The following SCARA3 variants were observed in gnomAD, a reference collection of about 807,000 sequenced individuals.
The protein encoded by SCARA3 is scavenger receptor class A member 3, also known as cellular stress response gene protein.
SCARA3 carries 39 observed loss-of-function variants against 47.0 expected under a neutral mutation model. The observed-to-expected ratio is 0.83, with a 90% CI of 0.64 to 1.08. SCARA3 has a LOEUF of 1.08. SCARA3 is among the 50% of genes least tolerant of loss of function. SCARA3 has a pLI of 0.00. For synonymous variants in SCARA3, 356 were observed against 334.1 expected, an observed-to-expected ratio of 1.07 and a Z score of -0.71; for missense variants, 724 against 792.3, an observed-to-expected ratio of 0.91 and a Z score of 1.04.
chr8:27,707,688 A>G, the SCARA3 span, among the ~76,000 whole-genome samples: 1 of 152,014 alleles, frequency 6.6e-6, no homozygotes, highest in Non-Finnish European at 1.5e-5. Context: ...TTCCAGAACT[A>G]AAGAGTGCAT....
intron 5 of SCARA3, among the ~76,000 whole-genome samples, chr8:27,669,945 C>T (rs185714560): frequency 1.3e-5 from 2 of 152,232 alleles, no homozygotes. Context: ...CCGAGAGGCC[C>T]ACTTTCTGCC....
chr8:27,676,098 G>A (rs963921753), downstream of SCARA3, among the ~76,000 whole-genome samples: 8 of 152,180 alleles, frequency 5.3e-5, no homozygotes, highest in East Asian at 5.8e-4. Flanking sequence ...AAGCTAACTC[G>A]CTCAAGGCCA....
downstream of SCARA3, among the ~76,000 whole-genome samples, chr8:27,675,355 G>A (rs188567408): frequency 2.8e-4 from 42 of 152,258 alleles, no homozygotes; most frequent in Non-Finnish European, 5.1e-4. Context: ...GGCTGGGCTG[G>A]CAAGCCTTGA....
chr8:27,642,946 G>A (rs1292679807), intron 1 of SCARA3, among the ~76,000 whole-genome samples: 1 of 152,216 alleles, frequency 6.6e-6, no homozygotes, highest in Non-Finnish European at 1.5e-5. Context: ...GGAGATCAGT[G>A]TGTAAGTAAT....
chr8:27,721,531 A>G, the SCARA3 span, among the ~76,000 whole-genome samples: 1 of 152,204 alleles, frequency 6.6e-6, no homozygotes, highest in South Asian at 2.1e-4. Context: ...TTGTCCATGA[A>G]CAAGGGTTTT....
intron 1 of SCARA3, among the ~76,000 whole-genome samples, chr8:27,648,999 C>T (rs1801572252): frequency 6.6e-6 from 1 of 152,170 alleles, no homozygotes; most frequent in East Asian, 1.9e-4. Context: ...GAAGAAAAGG[C>T]CAGGTCTTAC....
chr8:27,688,422 G>A, the SCARA3 span, among the ~76,000 whole-genome samples: 1 of 151,860 alleles, frequency 6.6e-6, no homozygotes, highest in Non-Finnish European at 1.5e-5. Context: ...CCAGCCAGGT[G>A]CAGTGATTCA....
the SCARA3 span, among the ~76,000 whole-genome samples, chr8:27,713,457 T>C: frequency 6.6e-6 from 1 of 152,264 alleles, no homozygotes. Context: ...GGAGATGTAC[T>C]TTGAAATTGT....
the SCARA3 span, among the ~76,000 whole-genome samples, chr8:27,694,992 T>C: frequency 1.3e-5 from 2 of 152,144 alleles, no homozygotes; most frequent in African/African-American, 4.8e-5. Context: ...TCGATGCACA[T>C]GCACAAGGTA....
the SCARA3 span, among the ~76,000 whole-genome samples, chr8:27,732,732 A>G: frequency 6.6e-6 from 1 of 152,234 alleles, no homozygotes; most frequent in Admixed American, 6.5e-5. Context: ...AGTTAAAACC[A>G]ATGGATGCAG....
At chr8:27,730,461 A>T in the SCARA3 span, among the ~76,000 whole-genome samples, 1 of 150,366 alleles carries the variant, frequency 6.7e-6, no homozygotes, top group African/African-American at 2.4e-5. Flanking sequence ...AGCTCAGCTG[A>T]GTCCAGAACA....
At chr8:27,682,282 G>A in the SCARA3 span, among the ~76,000 whole-genome samples, 2 of 151,908 alleles carry the variant, frequency 1.3e-5, no homozygotes, top group African/African-American at 2.4e-5. Flanking sequence ...AATTTGAGAT[G>A]GATCAAGACC....
chr8:27,675,308 G>C (rs993261353), downstream of SCARA3, among the ~76,000 whole-genome samples: 9 of 152,198 alleles, frequency 5.9e-5, no homozygotes, highest in African/African-American at 1.7e-4. Flanking sequence ...GAAAAACATG[G>C]TCTGACCACA....
At chr8:27,682,588 A>C in the SCARA3 span, among the ~76,000 whole-genome samples, 1 of 152,200 alleles carries the variant, frequency 6.6e-6, no homozygotes. Flanking sequence ...ATGTTTAAAC[A>C]GATACTTCAC....
At chr8:27,638,912 C>G in intron 1 of SCARA3, among the ~76,000 whole-genome samples, 1 of 152,172 alleles carries the variant, frequency 6.6e-6, no homozygotes. Flanking sequence ...TCGGTTTCAG[C>G]CACAGACAGG....
intron 1 of SCARA3, among the ~76,000 whole-genome samples, chr8:27,637,825 C>T (rs744596): frequency 0.1 from 15,942 of 151,986 alleles, 1,336 homozygotes; most frequent in East Asian, 0.35. Context: ...ATCCGCCCTG[C>T]ACCGCTCCTC....
At chr8:27,696,239 G>A in the SCARA3 span, among the ~76,000 whole-genome samples, 1 of 151,994 alleles carries the variant, frequency 6.6e-6, no homozygotes, top group Non-Finnish European at 1.5e-5. Context: ...CGAGCTCCTG[G>A]CCTCAAGCAA....
intron 1 of SCARA3, among the ~76,000 whole-genome samples, chr8:27,638,963 C>T (rs934188183): frequency 1.3e-5 from 2 of 152,174 alleles, no homozygotes; most frequent in Non-Finnish European, 2.9e-5. Context: ...AACAATCTCT[C>T]CCAGCCTCGA....
At chr8:27,675,289 C>T (rs772611129), downstream of SCARA3, among the ~76,000 whole-genome samples, 3 of 152,212 alleles carry the variant, frequency 2.0e-5, no homozygotes, top group Non-Finnish European at 4.4e-5. Context: ...GAGAGGAGAG[C>T]AGAGAGCTGA....
Sources: gnomAD v4.1 joint callset for allele counts (sites outside exome capture counted in the v4.1 genomes callset) on GRCh38, gnomAD v4.1.1 for gene constraint, MANE v1.5 for transcripts, NCBI Gene and HGNC (gene_info 2026-07-23, HGNC 2026-07-21) for gene names.